The following KCNMB2 variants were observed in gnomAD, a reference collection of about 807,000 sequenced individuals.
The protein encoded by KCNMB2 is calcium-activated potassium channel subunit beta-2.
Under a neutral mutation model 24.5 loss-of-function variants are expected in KCNMB2, and 9 were observed. The ratio of observed to expected loss-of-function variants is 0.37; its 90% CI spans 0.22 to 0.64. The LOEUF is 0.64. Among genes scored for constraint, KCNMB2 ranks in the 30% least tolerant of loss-of-function variants. KCNMB2 has a pLI of 0.63. For synonymous variants in KCNMB2, 109 were observed against 104.4 expected (o/e 1.04, Z -0.27); for missense variants, 226 against 284.3 (o/e 0.79, Z 1.47).
intron 1 of KCNMB2, among the ~76,000 whole-genome samples, chr3:178,670,819 T>A (rs1223633797): frequency 2.0e-5 from 3 of 152,128 alleles, no homozygotes; most frequent in African/African-American, 7.2e-5. Context: ...TGATGTGATT[T>A]GTCCAAGGCT....
chr3:178,589,087 C>G (rs536588821), intron 1 of KCNMB2, among the ~76,000 whole-genome samples: 1 of 152,240 alleles, frequency 6.6e-6, no homozygotes, highest in Admixed American at 6.5e-5. Flanking sequence ...AGACTCTTCA[C>G]TAAATAGAAG....
chr3:178,601,927 C>G (rs1037242388), intron 1 of KCNMB2, among the ~76,000 whole-genome samples: 1 of 152,090 alleles, frequency 6.6e-6, no homozygotes, highest in Non-Finnish European at 1.5e-5. Flanking sequence ...GGAGCCTTGG[C>G]AAAGAATTGG....
At chr3:178,601,069 T>A (rs1016370038) in intron 1 of KCNMB2, among the ~76,000 whole-genome samples, 2 of 151,900 alleles carry the variant, frequency 1.3e-5, no homozygotes, top group South Asian at 2.1e-4. Context: ...CTAGAAACCA[T>A]CATTTTCAGC....
intron 1 of KCNMB2, among the ~76,000 whole-genome samples, chr3:178,589,712 C>A (rs567182243): frequency 6.6e-6 from 1 of 152,264 alleles, no homozygotes; most frequent in Non-Finnish European, 1.5e-5. Flanking sequence ...AACTCCTTGA[C>A]AATAGATTTA....
At chr3:178,759,178 T>TATA (rs1406022829) in intron 1 of KCNMB2, among the ~76,000 whole-genome samples, 1 of 108,496 alleles carries the variant, frequency 9.2e-6, no homozygotes, top group African/African-American at 3.7e-5. Flanking sequence ...GATACATATA[T>TATA]ATATATCTAT....
chr3:178,567,036 A>C (rs1716551307), intron 1 of KCNMB2, among the ~76,000 whole-genome samples: 1 of 152,224 alleles, frequency 6.6e-6, no homozygotes, highest in Admixed American at 6.5e-5. Context: ...TCTGGTACTT[A>C]ATGGAAGTAG....
intron 2 of KCNMB2, among the ~76,000 whole-genome samples, chr3:178,822,482 G>A (rs1037404338): frequency 2.6e-5 from 4 of 152,164 alleles, no homozygotes; most frequent in African/African-American, 9.7e-5. Flanking sequence ...TTTGGGGCAG[G>A]GGCCATATCC....
At chr3:178,762,520 G>A (rs1711944692) in intron 1 of KCNMB2, among the ~76,000 whole-genome samples, 1 of 152,136 alleles carries the variant, frequency 6.6e-6, no homozygotes, top group Non-Finnish European at 1.5e-5. Flanking sequence ...TAAAACAAGG[G>A]AAGCCCTGAT....
At chr3:178,710,641 A>T (rs913755104) in intron 1 of KCNMB2, among the ~76,000 whole-genome samples, 3 of 151,814 alleles carry the variant, frequency 2.0e-5, no homozygotes, top group Non-Finnish European at 4.4e-5. Context: ...TGTGTGCGTG[A>T]GTGTGTGTGC....
intron 1 of KCNMB2, among the ~76,000 whole-genome samples, chr3:178,729,616 T>C (rs917299232): frequency 2.0e-5 from 3 of 152,222 alleles, no homozygotes; most frequent in Non-Finnish European, 4.4e-5. Context: ...CTGCCAAAAG[T>C]TCTTTTACTA....
intron 1 of KCNMB2, among the ~76,000 whole-genome samples, chr3:178,757,779 T>C (rs1293725156): frequency 8.5e-6 from 1 of 117,608 alleles, no homozygotes; most frequent in East Asian, 2.5e-4. Flanking sequence ...TCCAAGAGGA[T>C]ATATATACAT....
In KCNMB2 at chr3:178,647,789, C is replaced by T. The variant is rs139466098; in HGVS notation, c.-68+111078C>T. Among the ~76,000 whole-genome samples the T allele has an allele frequency of 1.9e-3, 282 of 152,152 alleles. 1 individual carries two copies. Among genetic ancestry groups the T allele is most frequent in the Middle Eastern group, 0.01 (3 of 294 alleles). On this transcript the variant is annotated intron_variant, in intron 1 of 4. Transcript: ENST00000452583. ...GTTGCTGGGATATAGAAAAGAGCAACGTGGACACGATTCTGGACATACTAA... is the reference window on the plus strand; with the variant it reads ...GTTGCTGGGATATAGAAAAGAGCAATGTGGACACGATTCTGGACATACTAA...
chr3:178,578,968 G>T (rs1044792116), intron 1 of KCNMB2, among the ~76,000 whole-genome samples: 1 of 152,128 alleles, frequency 6.6e-6, no homozygotes, highest in Non-Finnish European at 1.5e-5. Flanking sequence ...AGATCAATGA[G>T]ATGGGAAATT....
chr3:178,580,791 C>T (rs1483992619), intron 1 of KCNMB2, among the ~76,000 whole-genome samples: 1 of 152,054 alleles, frequency 6.6e-6, no homozygotes, highest in Non-Finnish European at 1.5e-5. Context: ...AATAAAATAC[C>T]TAGGAATCCA....
At chr3:178,740,184 T>G (rs561850274) in intron 1 of KCNMB2, among the ~76,000 whole-genome samples, 8 of 151,996 alleles carry the variant, frequency 5.3e-5, no homozygotes, top group African/African-American at 1.9e-4. Context: ...AATGGTGCGA[T>G]CTCAGCTCAC....
At chr3:178,757,288 G>C (rs114596763) in intron 1 of KCNMB2, among the ~76,000 whole-genome samples, 11,060 of 105,446 alleles carry the variant, frequency 0.1, 1,167 homozygotes, top group South Asian at 0.15. Flanking sequence ...ATATATCCAA[G>C]AGGATATATA....
chr3:178,624,572 G>C (rs1460655210), intron 1 of KCNMB2, among the ~76,000 whole-genome samples: 1 of 143,208 alleles, frequency 7.0e-6, no homozygotes, highest in African/African-American at 2.7e-5. Flanking sequence ...AGATTCAGTA[G>C]CTTTCTATTT....
intron 1 of KCNMB2, among the ~76,000 whole-genome samples, chr3:178,695,276 C>T (rs13079900): frequency 6.6e-6 from 1 of 151,700 alleles, no homozygotes; most frequent in South Asian, 2.1e-4. Flanking sequence ...GCTCAGGAAA[C>T]CTTTTTTCCC....
At chr3:178,781,876 G>C (rs1187227375) in intron 1 of KCNMB2, among the ~76,000 whole-genome samples, 1 of 148,066 alleles carries the variant, frequency 6.8e-6, no homozygotes, top group Non-Finnish European at 1.5e-5. Context: ...TGCCATGCTG[G>C]TGCGCTGCAC....
Sources: gnomAD v4.1 joint callset for allele counts (sites outside exome capture counted in the v4.1 genomes callset) on GRCh38, gnomAD v4.1.1 for gene constraint, MANE v1.5 for transcripts, NCBI Gene and HGNC (gene_info 2026-07-23, HGNC 2026-07-21) for gene names.